SATL1: variants seen among roughly 807,000 people sequenced by gnomAD.
The protein encoded by SATL1 is spermidine/spermine N1-acetyl transferase like 1.
In SATL1, 47 loss-of-function variants were observed where a neutral mutation model predicts 51.8. That is an observed-to-expected ratio of 0.91 (90% CI 0.72 to 1.16). The LOEUF (loss-of-function observed/expected upper bound fraction) is 1.16, where lower values mean the gene tolerates loss of function less well. SATL1 is among the 50% of genes most tolerant of loss of function. The pLI is 0.00. For missense variants in SATL1, 520 were observed against 526.4 expected, an observed-to-expected ratio of 0.99 and a Z score of 0.12; for synonymous variants, 176 against 182.4, an observed-to-expected ratio of 0.97 and a Z score of 0.28.
intron 2 of SATL1, among the ~76,000 whole-genome samples, chrX:85,223,544 C>T (rs1298535845): frequency 9.0e-6 from 1 of 110,885 alleles, no homozygotes; most frequent in Non-Finnish European, 1.9e-5. Context: ...TTGCATCATC[C>T]GAATCCTGGA....
chrX:85,095,149 T>TTA (rs1924668016), intron 4 of SATL1, among the ~76,000 whole-genome samples, 153 bp from the exon 5 acceptor site: 1 of 112,190 alleles, frequency 8.9e-6, no homozygotes, highest in Admixed American at 9.5e-5. Flanking sequence ...GGAGTTTATC[T>TTA]GAACATTTGC....
chrX:85,097,755 G>A (rs919779356), intron 4 of SATL1, among the ~76,000 whole-genome samples: 1 of 112,212 alleles, frequency 8.9e-6, no homozygotes, highest in African/African-American at 3.2e-5. Flanking sequence ...TTGAAGTTAA[G>A]TTGGTTTAAA....
intron 2 of SATL1, among the ~76,000 whole-genome samples, chrX:85,185,857 G>A (rs1415268151): frequency 9.1e-6 from 1 of 110,330 alleles, no homozygotes; most frequent in Non-Finnish European, 1.9e-5. Flanking sequence ...GCAAGACAAA[G>A]TCCCCTTTAC....
intron 2 of SATL1, chrX:85,208,993 A>G (rs1057384097): frequency 2.7e-5 from 3 of 111,983 alleles, no homozygotes; most frequent in African/African-American, 9.8e-5. Flanking sequence ...CCTGAATGGT[A>G]CTGCCTAGGT....
chrX:85,216,504 C>T (rs1037227679), intron 2 of SATL1, among the ~76,000 whole-genome samples: 5 of 111,393 alleles, frequency 4.5e-5, no homozygotes, highest in Admixed American at 1.9e-4. Flanking sequence ...TTCCTTGCAA[C>T]TATAGAACTT....
At chrX:85,158,812 G>A (rs1926651777) in intron 2 of SATL1, among the ~76,000 whole-genome samples, 1 of 111,269 alleles carries the variant, frequency 9.0e-6, no homozygotes, top group African/African-American at 3.3e-5. Context: ...TCTAAATGTG[G>A]CAGTGATAAT....
At chrX:85,149,695 A>T (rs1926367395) in intron 2 of SATL1, among the ~76,000 whole-genome samples, 1 of 111,548 alleles carries the variant, frequency 9.0e-6, no homozygotes, top group Non-Finnish European at 1.9e-5. Flanking sequence ...GAAACTGAAC[A>T]ACCTGCTCCT....
At chrX:85,123,900 C>G (rs181463292) in intron 2 of SATL1, among the ~76,000 whole-genome samples, 23 of 111,854 alleles carry the variant, frequency 2.1e-4, no homozygotes, top group Non-Finnish European at 3.6e-4. Flanking sequence ...ACACAGCAAA[C>G]TGTTAACTCT....
At chrX:85,203,331 G>A (rs762990687) in intron 2 of SATL1, among the ~76,000 whole-genome samples, 4 of 110,456 alleles carry the variant, frequency 3.6e-5, no homozygotes, top group Non-Finnish European at 5.7e-5. Context: ...GTCTGGCCAC[G>A]TTTTGGTAGA....
intron 2 of SATL1, among the ~76,000 whole-genome samples, chrX:85,182,590 T>C (rs1259812979): frequency 2.7e-5 from 3 of 112,008 alleles, no homozygotes; most frequent in Non-Finnish European, 1.9e-5. Flanking sequence ...TTGATTTCTT[T>C]TCCTTGCATG....
chrX:85,142,387 C>A (rs1926130199), intron 2 of SATL1, among the ~76,000 whole-genome samples: 1 of 88,843 alleles, frequency 1.1e-5, no homozygotes, highest in African/African-American at 4.8e-5. Context: ...CAGAGCGAGA[C>A]TCCATCTCAA....
At chrX:85,160,192 C>A (rs949371056) in intron 2 of SATL1, among the ~76,000 whole-genome samples, 1 of 110,415 alleles carries the variant, frequency 9.1e-6, no homozygotes, top group South Asian at 3.9e-4. Context: ...TAGAGGACAG[C>A]GACTTTAAAG....
At chrX:85,150,851 C>A (rs965089405) in intron 2 of SATL1, among the ~76,000 whole-genome samples, 3 of 109,562 alleles carry the variant, frequency 2.7e-5, no homozygotes, top group Non-Finnish European at 5.7e-5. Flanking sequence ...AAACCCACAG[C>A]CAATATCATA....
intron 2 of SATL1, among the ~76,000 whole-genome samples, chrX:85,199,238 T>C (rs1004523028): frequency 9.0e-6 from 1 of 111,363 alleles, no homozygotes; most frequent in Non-Finnish European, 1.9e-5. Flanking sequence ...TGAGTTCAAT[T>C]CTTTTGATTT....
intron 2 of SATL1, among the ~76,000 whole-genome samples, chrX:85,140,898 A>G (rs1206931212): frequency 8.9e-6 from 1 of 112,236 alleles, no homozygotes; most frequent in Non-Finnish European, 1.9e-5. Flanking sequence ...AACATATTTT[A>G]AACAGCAAAG....
intron 2 of SATL1, among the ~76,000 whole-genome samples, chrX:85,184,389 T>A (rs748402590): frequency 9.0e-6 from 1 of 111,682 alleles, no homozygotes; most frequent in Non-Finnish European, 1.9e-5. Flanking sequence ...GGAAGTTCTT[T>A]GTTATTATCC....
chrX:85,188,644 T>C (rs1927366997), intron 2 of SATL1, among the ~76,000 whole-genome samples: 1 of 110,092 alleles, frequency 9.1e-6, no homozygotes, highest in African/African-American at 3.3e-5. Context: ...AGACTTCATC[T>C]CTCTAAAAAA....
At position 85,108,377 on chromosome X, in the gene SATL1, C is replaced by T. The variant is rs143919982; in HGVS notation, c.592G>A (p.Val198Met). Reference sequence around the variant, plus strand: ...TGCTGGCTGATGCCTGGTTGTTGCACGCCTGGTTGCCACATGCCTGGTGGA... The same window carrying T: ...TGCTGGCTGATGCCTGGTTGTTGCATGCCTGGTTGCCACATGCCTGGTGGA... ...MSPPGMWQPG[V>M]QQPGISQQVP... Residue 198 changes from valine (V) to methionine (M), a missense_variant, in exon 3 of 8, where the codon GTG (valine) becomes ATG (methionine). Val to Met is a conservative substitution (Grantham distance 21, BLOSUM62 1). Around this residue, in one of 3 missense-constraint regions of SATL1, gnomAD observed 488 missense variants for 474.3 expected, o/e 1.03. Coordinates refer to ENST00000644105, the MANE Select transcript of SATL1 (RefSeq NM_001367857.2). 9.1e-6 allele frequency: 11 copies of T among 1,205,768 alleles called. No individual in the cohort carries two copies. The East Asian group carries it at 2.7e-4, about 29-fold the overall frequency.
intron 4 of SATL1, among the ~76,000 whole-genome samples, chrX:85,098,003 G>A (rs1924782944): frequency 9.0e-6 from 1 of 111,410 alleles, no homozygotes; most frequent in Non-Finnish European, 1.9e-5. Flanking sequence ...ATGGATTAAA[G>A]ACTCCTGCCA....
Sources: allele counts gnomAD v4.1 joint callset (sites outside exome capture counted in the v4.1 genomes callset), GRCh38; gene constraint gnomAD v4.1.1; regional missense constraint gnomAD v4.1.1; transcripts MANE v1.5; gene names NCBI Gene and HGNC (gene_info 2026-07-23, HGNC 2026-07-21).